The following GTF2IRD1 variants were observed in gnomAD, a reference collection of about 807,000 sequenced individuals.
GTF2IRD1 encodes general transcription factor II-I repeat domain-containing protein 1.
Under a neutral mutation model 113.2 loss-of-function variants are expected in GTF2IRD1, and 26 were observed. The observed-to-expected ratio is 0.23, with a 90% CI of 0.17 to 0.32. The LOEUF is 0.32. Among genes scored for constraint, GTF2IRD1 ranks in the 10% least tolerant of loss-of-function variants. GTF2IRD1 has a pLI of 1.00. For synonymous variants in GTF2IRD1, 484 were observed against 529.1 expected, an observed-to-expected ratio of 0.91 and a Z score of 1.17; for missense variants, 864 against 1,280.8, an observed-to-expected ratio of 0.67 and a Z score of 4.97.
At chr7:74,484,946 G>A (rs1440383520) in intron 1 of GTF2IRD1, among the ~76,000 whole-genome samples, 2 of 152,128 alleles carry the variant, frequency 1.3e-5, no homozygotes, top group African/African-American at 4.8e-5. Context: ...CTGTAATGAG[G>A]GATCTCAAAT....
intron 14 of GTF2IRD1, among the ~76,000 whole-genome samples, chr7:74,543,528 T>C (rs1470840365): frequency 4.6e-5 from 7 of 152,088 alleles, no homozygotes; most frequent in Admixed American, 3.3e-4. Context: ...AGGACCACCA[T>C]GGATTAGAGG....
chr7:74,602,443 C>CTG lies in GTF2IRD1; in HGVS notation c.*11_*12dup. The CTG allele has an allele frequency of 6.2e-7, 1 of 1,608,232 alleles. No individual in the cohort carries two copies. The highest frequency in any genetic ancestry group is 8.5e-7 in the Non-Finnish European group (1 of 1,175,048). Reference sequence around the variant, plus strand: ...ACCTCTTAATTACTAGACCTCAGTACTGAATCAGGACCTCACTCAGAAAGA... The same window carrying CTG: ...ACCTCTTAATTACTAGACCTCAGTACTGTGAATCAGGACCTCACTCAGAAAGA... On this transcript the variant is annotated 3_prime_UTR_variant, in exon 27 of 27. Transcript: ENST00000424337.
intron 19 of GTF2IRD1, among the ~76,000 whole-genome samples, chr7:74,556,348 T>C (rs1202222905): frequency 7.2e-5 from 11 of 151,768 alleles, no homozygotes; most frequent in African/African-American, 2.7e-4. Flanking sequence ...TGGATGGAGT[T>C]TTACTCTTGT....
At chr7:74,480,873 T>C (rs1794702199) in intron 1 of GTF2IRD1, among the ~76,000 whole-genome samples, 1 of 152,092 alleles carries the variant, frequency 6.6e-6, no homozygotes, top group Non-Finnish European at 1.5e-5. Context: ...CAGCCCCTTT[T>C]CCTAAATCCC....
chr7:74,538,048 G>T lies in GTF2IRD1; in HGVS notation c.1410-88G>T, dbSNP rs587768108. 4.5e-6 allele frequency: 6 copies of T among 1,347,542 alleles called. No homozygotes were observed. In the African/African-American group the frequency reaches 5.7e-5, roughly 13 times the overall value. The allele number at this position is 1,347,542 out of a possible 1,614,324, so 83.5% of individuals were successfully genotyped here. A position where few individuals can be genotyped will look rare whatever the true frequency, so the allele number is the denominator to read the frequency against. On this transcript the variant is annotated intron_variant, in intron 11 of 26. Transcript: ENST00000424337. ...GATGCCTTCTGCAGTGGCGCCCGCGGTGGGCCCTGACTGCCTGGAGGGGCA... is the reference window on the plus strand; with the variant it reads ...GATGCCTTCTGCAGTGGCGCCCGCGTTGGGCCCTGACTGCCTGGAGGGGCA...
At chr7:74,585,991 A>T (rs1554367628) in intron 22 of GTF2IRD1, among the ~76,000 whole-genome samples, 1 of 151,766 alleles carries the variant, frequency 6.6e-6, no homozygotes, top group Non-Finnish European at 1.5e-5. Flanking sequence ...GACACAGAGT[A>T]CTCCTGGTGC....
At chr7:74,561,061 A>C (rs1347178841) in intron 22 of GTF2IRD1, among the ~76,000 whole-genome samples, 2 of 151,612 alleles carry the variant, frequency 1.3e-5, no homozygotes, top group Non-Finnish European at 2.9e-5. Context: ...CAGAGCCTCC[A>C]GGGCGGGCCA....
At chr7:74,536,315 C>T in intron 11 of GTF2IRD1, 40 bp downstream of exon 11, 2 of 1,279,252 alleles carry the variant, frequency 1.6e-6, no homozygotes, top group Non-Finnish European at 2.3e-6. Context: ...CGCGGCCAGC[C>T]CTGCTCTGGG....
At chr7:74,575,268 C>T (rs1447673717) in intron 22 of GTF2IRD1, among the ~76,000 whole-genome samples, 1 of 152,122 alleles carries the variant, frequency 6.6e-6, no homozygotes, top group Non-Finnish European at 1.5e-5. Context: ...CCTGAAGGGG[C>T]AGCAGGGAAC....
chr7:74,521,875 G>A (rs1797320519), intron 7 of GTF2IRD1, among the ~76,000 whole-genome samples: 1 of 152,186 alleles, frequency 6.6e-6, no homozygotes, highest in South Asian at 2.1e-4. Context: ...GCCGAGTTGG[G>A]CAGTGCTCGG....
intron 17 of GTF2IRD1, among the ~76,000 whole-genome samples, chr7:74,552,076 T>G (rs1461316177): frequency 6.6e-6 from 1 of 151,720 alleles, no homozygotes; most frequent in Non-Finnish European, 1.5e-5. Flanking sequence ...GGAAGGATGG[T>G]GAGGTTGAGG....
At chr7:74,505,508 C>T (rs1347480550) in intron 1 of GTF2IRD1, among the ~76,000 whole-genome samples, 2 of 152,226 alleles carry the variant, frequency 1.3e-5, no homozygotes, top group Non-Finnish European at 2.9e-5. Context: ...CTCTCTGTGT[C>T]CCTCCCTCCT....
chr7:74,461,149 T>C (rs1793339075), intron 1 of GTF2IRD1, among the ~76,000 whole-genome samples: 1 of 151,938 alleles, frequency 6.6e-6, no homozygotes, highest in South Asian at 2.1e-4. Flanking sequence ...ACAGCATGGG[T>C]GTGTGGGACC....
chr7:74,579,131 G>A (rs1469958770), intron 22 of GTF2IRD1, among the ~76,000 whole-genome samples: 2 of 152,096 alleles, frequency 1.3e-5, no homozygotes, highest in South Asian at 2.1e-4. Flanking sequence ...AGATCAACCT[G>A]GGCAACATAG....
chr7:74,509,414 T>G (rs1476087520), intron 2 of GTF2IRD1, among the ~76,000 whole-genome samples: 3 of 151,562 alleles, frequency 2.0e-5, no homozygotes, highest in Non-Finnish European at 1.5e-5. Flanking sequence ...ATTCCTGTAA[T>G]CCTGCCTACT....
intron 1 of GTF2IRD1, among the ~76,000 whole-genome samples, chr7:74,493,635 G>T (rs1321540731): frequency 6.6e-6 from 1 of 152,128 alleles, no homozygotes; most frequent in Non-Finnish European, 1.5e-5. Context: ...TAGTAGACAG[G>T]TTCTCCTGTG....
chr7:74,565,939 A>T (rs1554360558), intron 22 of GTF2IRD1, among the ~76,000 whole-genome samples: 1 of 151,914 alleles, frequency 6.6e-6, no homozygotes, highest in Non-Finnish European at 1.5e-5. Flanking sequence ...AGCTATGATC[A>T]CAAAGCTCAC....
At position 74,573,765 on chromosome 7, in the gene GTF2IRD1, T is replaced by C. The variant is rs1308518265; in HGVS notation, c.2320+14110T>C. 2.7e-5 allele frequency among the ~76,000 whole-genome samples: 4 copies of C among 150,818 alleles called. No individual in the cohort carries two copies. In the East Asian group the frequency reaches 7.8e-4, roughly 29 times the overall value. On this transcript the variant is annotated intron_variant, in intron 22 of 26. Coordinates refer to ENST00000424337, the MANE Select transcript of GTF2IRD1 (RefSeq NM_005685.4). ...GTGTGGGGACAAAAGAGGAGGGAGG[T>C]GGAGGTTGGGGGCCATGCAGGCCTA...
intron 1 of GTF2IRD1, among the ~76,000 whole-genome samples, chr7:74,468,279 AT>A (rs1167691390): frequency 2.0e-5 from 3 of 151,698 alleles, no homozygotes; most frequent in African/African-American, 7.3e-5. Context: ...AGATGGGCAG[AT>A]TGCTTGAGCT....
Sources: gnomAD v4.1 joint callset for allele counts (sites outside exome capture counted in the v4.1 genomes callset) on GRCh38, gnomAD v4.1.1 for gene constraint, MANE v1.5 for transcripts, NCBI Gene and HGNC (gene_info 2026-07-23, HGNC 2026-07-21) for gene names.